INPP4B: variants seen among roughly 807,000 people sequenced by gnomAD.
INPP4B encodes the protein inositol polyphosphate 4-phosphatase type II.
In INPP4B, 55 loss-of-function variants were observed where a neutral mutation model predicts 122.5. That is an observed-to-expected ratio of 0.45 (90% CI 0.36 to 0.56). The LOEUF (loss-of-function observed/expected upper bound fraction) is 0.56, where lower values mean the gene tolerates loss of function less well. INPP4B is among the 20% of genes least tolerant of loss of function. The pLI, the probability that INPP4B is intolerant of heterozygous loss-of-function variation, is 0.00. For missense variants in INPP4B, 1,000 were observed against 1,097.7 expected, an observed-to-expected ratio of 0.91 and a Z score of 1.26; for synonymous variants, 403 against 388.7, an observed-to-expected ratio of 1.04 and a Z score of -0.43.
intron 1 of INPP4B, among the ~76,000 whole-genome samples, chr4:142,747,463 T>G (rs1001354879): frequency 3.9e-5 from 6 of 152,206 alleles, no homozygotes; most frequent in African/African-American, 1.4e-4. Flanking sequence ...GAGAGTGTGG[T>G]GATTCCTCAA....
At chr4:142,482,856 C>A (rs941343387) in intron 2 of INPP4B, among the ~76,000 whole-genome samples, 2 of 151,902 alleles carry the variant, frequency 1.3e-5, no homozygotes, top group Admixed American at 6.6e-5. Flanking sequence ...TTTACAATTC[C>A]CATTGGGTTG....
At chr4:142,130,213 C>T (rs1175697466) in intron 18 of INPP4B, among the ~76,000 whole-genome samples, 1 of 152,094 alleles carries the variant, frequency 6.6e-6, no homozygotes, top group Non-Finnish European at 1.5e-5. Context: ...TAGACACCCA[C>T]AGTGAGGCTT....
chr4:142,845,011 A>G (rs60263370), intron 1 of INPP4B, among the ~76,000 whole-genome samples: 44,411 of 152,090 alleles, frequency 0.29, 6,648 homozygotes, highest in South Asian at 0.35. Flanking sequence ...ATAAAATATA[A>G]TGACCTCAAA....
chr4:142,107,016 C>G (rs1253735359), intron 23 of INPP4B, among the ~76,000 whole-genome samples: 1 of 151,848 alleles, frequency 6.6e-6, no homozygotes, highest in African/African-American at 2.4e-5. Context: ...ACATTATTAA[C>G]TTTTCAGGTA....
At chr4:142,810,169 CAAAAA>C (rs201292060) in intron 1 of INPP4B, among the ~76,000 whole-genome samples, 1 of 103,878 alleles carries the variant, frequency 9.6e-6, no homozygotes, top group African/African-American at 3.4e-5. Flanking sequence ...GACTCCATCT[CAAAAA>C]AAAAAAAAAA....
rs920119424 is a variant in INPP4B at position 142,024,215 on chromosome 4, C to T, written c.*4567G>A. 21 of 151,976 alleles carry T rather than the reference C, an allele frequency of 1.4e-4. No individual in the cohort carries two copies. Among genetic ancestry groups the T allele is most frequent in the African/African-American group, 3.9e-4 (16 of 41,380 alleles). The allele number at this position is 151,976 out of a possible 1,614,324, so 9.4% of individuals were successfully genotyped here. On this transcript the variant is annotated 3_prime_UTR_variant, in exon 26 of 26. Coordinates refer to ENST00000262992, the MANE Select transcript of INPP4B (RefSeq NM_001101669.3). ...TTGCTATAGGTGGCATCTCTGTGAA[C>T]GCAGAGCTCTAAATTAAAACTGCCA...
chr4:142,635,095 C>T (rs1940906627), intron 2 of INPP4B, among the ~76,000 whole-genome samples: 1 of 151,980 alleles, frequency 6.6e-6, no homozygotes, highest in Admixed American at 6.6e-5. Context: ...GGCCAACAAA[C>T]ATATGGAAAA....
chr4:142,226,356 T>G (rs1167124286), intron 12 of INPP4B, among the ~76,000 whole-genome samples: 1 of 152,200 alleles, frequency 6.6e-6, no homozygotes, highest in African/African-American at 2.4e-5. Flanking sequence ...ATAAACCAGC[T>G]GCCATTTCTC....
At chr4:142,732,375 A>G (rs902765936) in intron 1 of INPP4B, among the ~76,000 whole-genome samples, 1 of 152,012 alleles carries the variant, frequency 6.6e-6, no homozygotes, top group Non-Finnish European at 1.5e-5. Flanking sequence ...TATTTTCACT[A>G]GAAATATCAA....
At chr4:142,235,270 A>G (rs1856192931) in intron 12 of INPP4B, among the ~76,000 whole-genome samples, 1 of 151,926 alleles carries the variant, frequency 6.6e-6, no homozygotes, top group South Asian at 2.1e-4. Context: ...TGAATTTTTA[A>G]ATGAAGTGGT....
At position 142,148,145 on chromosome 4, in the gene INPP4B, G is replaced by T. The variant is rs141293978; in HGVS notation, c.1564-2149C>A. Reference sequence around the variant, plus strand: ...TCAACTCTGCTACTGAGGAAAAAAAGGGGAGCAGGTTCCCCTCAATTTTCC... The same window carrying T: ...TCAACTCTGCTACTGAGGAAAAAAATGGGAGCAGGTTCCCCTCAATTTTCC... On this transcript the variant is annotated intron_variant, in intron 17 of 25. Transcript: ENST00000262992. 3.1e-3 allele frequency among the ~76,000 whole-genome samples: 467 copies of T among 152,276 alleles called. 7 individuals are homozygous for T. Among genetic ancestry groups the T allele is most frequent in the African/African-American group, 0.011 (449 of 41,564 alleles).
intron 2 of INPP4B, among the ~76,000 whole-genome samples, chr4:142,604,102 C>T (rs1444301007): frequency 2.6e-5 from 4 of 152,032 alleles, no homozygotes; most frequent in Non-Finnish European, 4.4e-5. Flanking sequence ...TGATATATAA[C>T]ATCAACAGAA....
At chr4:142,769,545 C>T (rs889995216) in intron 1 of INPP4B, among the ~76,000 whole-genome samples, 10 of 152,066 alleles carry the variant, frequency 6.6e-5, no homozygotes, top group South Asian at 2.1e-4. Flanking sequence ...TGTGAATTAA[C>T]GTTATGTCTG....
At chr4:142,828,993 G>T (rs28421948) in intron 1 of INPP4B, among the ~76,000 whole-genome samples, 19,371 of 150,744 alleles carry the variant, frequency 0.13, 1,979 homozygotes, top group African/African-American at 0.29. Flanking sequence ...GACTTCTGAT[G>T]AACTTTAGCC....
At chr4:142,466,225 G>A (rs550449105) in intron 2 of INPP4B, among the ~76,000 whole-genome samples, 16 of 152,276 alleles carry the variant, frequency 1.1e-4, no homozygotes, top group Non-Finnish European at 2.4e-4. Flanking sequence ...TGGTTGTGAC[G>A]AAAATGCTGA....
intron 7 of INPP4B, among the ~76,000 whole-genome samples, chr4:142,321,267 T>C (rs1769898432): frequency 6.6e-6 from 1 of 152,328 alleles, no homozygotes; most frequent in East Asian, 1.9e-4. Context: ...TATATTTCTT[T>C]TGAGAATTGT....
chr4:142,480,955 T>C (rs557585115), intron 2 of INPP4B, among the ~76,000 whole-genome samples: 1 of 151,930 alleles, frequency 6.6e-6, no homozygotes, highest in East Asian at 1.9e-4. Context: ...GAAATGATGG[T>C]GAAACCCCGT....
chr4:142,069,854 C>A (rs1056973355), intron 25 of INPP4B, among the ~76,000 whole-genome samples: 1 of 152,068 alleles, frequency 6.6e-6, no homozygotes, highest in Non-Finnish European at 1.5e-5. Context: ...AGCCTACCAA[C>A]CAAAAAAAGT....
At chr4:142,122,313 T>A in intron 20 of INPP4B, 68 bp from the exon 21 acceptor site, 1 of 1,098,440 alleles carries the variant, frequency 9.1e-7, no homozygotes. Flanking sequence ...CTACTATGCC[T>A]CCCTGCTGGA....
Sources: allele counts gnomAD v4.1 joint callset (sites outside exome capture counted in the v4.1 genomes callset), GRCh38; gene constraint gnomAD v4.1.1; transcripts MANE v1.5; gene names NCBI Gene and HGNC (gene_info 2026-07-23, HGNC 2026-07-21).